Variants in ATP2C2 observed in about 807,000 individuals in gnomAD.
ATP2C2 encodes the protein ATPase secretory pathway Ca2+ transporting 2.
In ATP2C2, 171 loss-of-function variants were observed where a neutral mutation model predicts 110.8. The observed-to-expected ratio is 1.54, with a 90% CI of 1.36 to 1.75. ATP2C2 has a LOEUF of 1.75. Ranked by LOEUF, ATP2C2 falls within the 40% of genes most tolerant of loss-of-function variation. The probability of loss-of-function intolerance (pLI) is 0.00; values close to 1 mark genes in which losing one functional copy is unlikely to be tolerated. For missense variants in ATP2C2, 1,963 were observed against 1,235.0 expected, an observed-to-expected ratio of 1.59 and a Z score of -8.84; for synonymous variants, 804 against 508.4, an observed-to-expected ratio of 1.58 and a Z score of -7.82.
At chr16:84,438,178 T>G (rs941874107) in intron 11 of ATP2C2, among the ~76,000 whole-genome samples, 3 of 152,236 alleles carry the variant, frequency 2.0e-5, no homozygotes, top group African/African-American at 7.2e-5. Flanking sequence ...TTTACATTTT[T>G]TAAAGGAAAA....
At chr16:84,442,990 G>T (rs1909411054) in intron 15 of ATP2C2, among the ~76,000 whole-genome samples, 1 of 152,110 alleles carries the variant, frequency 6.6e-6, no homozygotes, top group African/African-American at 2.4e-5. Flanking sequence ...TGACTCCGGG[G>T]TTCAGTGTTA....
chr16:84,383,953 C>G (rs748145839), intron 1 of ATP2C2, among the ~76,000 whole-genome samples: 1 of 152,062 alleles, frequency 6.6e-6, no homozygotes, highest in Non-Finnish European at 1.5e-5. Flanking sequence ...CCACGCCCAG[C>G]TAATTTTTGT....
intron 3 of ATP2C2, 106 bp downstream of exon 3, chr16:84,405,350 C>T (rs985764616): frequency 2.1e-5 from 21 of 983,136 alleles, no homozygotes; most frequent in African/African-American, 6.5e-5. Context: ...GGACAGCTCC[C>T]GCCCCTTTCA....
At chr16:84,444,183 A>G (rs1159878804) in intron 15 of ATP2C2, among the ~76,000 whole-genome samples, 1 of 148,132 alleles carries the variant, frequency 6.8e-6, no homozygotes, top group African/African-American at 2.5e-5. Flanking sequence ...AAAAAAAAAA[A>G]ACAAAAAGAT....
chr16:84,451,925 G>T lies in ATP2C2; in HGVS notation c.1665G>T (p.Leu555=), dbSNP rs750162743. The change falls in exon 18 of 27, where the codon CTG becomes CTT. Residue 555 remains leucine, a synonymous_variant. Transcript: ENST00000262429. ...KRMGSLGLRV[L]ALASGPELGR... is the part of the protein sequence containing the mutation. Reference sequence around the variant, plus strand: ...TTACTCCCCCTCTCTCCTCAGTGCTGGCCCTGGCTTCTGGGCCCGAGCTGG... The same window carrying T: ...TTACTCCCCCTCTCTCCTCAGTGCTTGCCCTGGCTTCTGGGCCCGAGCTGG... 1 of 1,613,852 alleles carries T rather than the reference G, an allele frequency of 6.2e-7. No homozygotes were observed. Among genetic ancestry groups the T allele is most frequent in the South Asian group, 1.1e-5 (1 of 91,054 alleles).
intron 1 of ATP2C2, among the ~76,000 whole-genome samples, chr16:84,395,443 G>A (rs1904912852): frequency 6.6e-6 from 1 of 150,590 alleles, no homozygotes; most frequent in Non-Finnish European, 1.5e-5. Context: ...TCAAAGGCAG[G>A]GGAATTGGTG....
intron 24 of ATP2C2, chr16:84,461,387 C>T (rs1362833205): frequency 4.3e-6 from 2 of 463,738 alleles, no homozygotes; most frequent in African/African-American, 3.9e-5. Flanking sequence ...TTCAGCCTTC[C>T]TTGTAGGAAA....
intron 16 of ATP2C2, among the ~76,000 whole-genome samples, chr16:84,447,412 C>T (rs367889868): frequency 6.6e-6 from 1 of 151,414 alleles, no homozygotes; most frequent in Non-Finnish European, 1.5e-5. Context: ...TTCTTTCATT[C>T]CACCCTTCTT....
intron 2 of ATP2C2, among the ~76,000 whole-genome samples, chr16:84,399,223 G>C (rs1378328787): frequency 6.6e-6 from 1 of 152,168 alleles, no homozygotes; most frequent in African/African-American, 2.4e-5. Context: ...CCAGGAAAAG[G>C]GCACATACTA....
intron 23 of ATP2C2, chr16:84,459,790 A>G (rs971030505): frequency 3.7e-6 from 2 of 543,404 alleles, no homozygotes; most frequent in Admixed American, 3.1e-5. Context: ...TTCCTTATGG[A>G]TCTGATTGTG....
chr16:84,455,752 A>G (rs982933288), intron 21 of ATP2C2, among the ~76,000 whole-genome samples: 2 of 27,650 alleles, frequency 7.2e-5, no homozygotes, highest in Middle Eastern at 0.019. Flanking sequence ...ACACACTTAG[A>G]AAAAAAAAAA....
intron 2 of ATP2C2, chr16:84,404,761 T>G (rs1905598588): frequency 5.6e-6 from 2 of 356,908 alleles, no homozygotes; most frequent in South Asian, 4.5e-5. Context: ...TTTTGAGGAA[T>G]CGCCACACAG....
At chr16:84,381,230 C>A (rs892441866) in intron 1 of ATP2C2, among the ~76,000 whole-genome samples, 4 of 152,172 alleles carry the variant, frequency 2.6e-5, no homozygotes, top group African/African-American at 9.7e-5. Context: ...TTACAAAGTA[C>A]ATTGATCAGT....
intron 17 of ATP2C2, among the ~76,000 whole-genome samples, chr16:84,451,170 G>A (rs554164417): frequency 6.6e-6 from 1 of 152,260 alleles, no homozygotes; most frequent in East Asian, 1.9e-4. Context: ...CGGCAAGAGA[G>A]AATGAGAGCC....
chr16:84,450,354 G>A (rs1910145928), intron 17 of ATP2C2, among the ~76,000 whole-genome samples: 1 of 150,344 alleles, frequency 6.7e-6, no homozygotes, highest in African/African-American at 2.4e-5. Context: ...GAGTGACTTA[G>A]AGAGGCCCCC....
At chr16:84,392,680 C>T (rs1199273998) in intron 1 of ATP2C2, among the ~76,000 whole-genome samples, 1 of 152,180 alleles carries the variant, frequency 6.6e-6, no homozygotes, top group Non-Finnish European at 1.5e-5. Context: ...CAAGGCTGGT[C>T]TCGAACTGCT....
chr16:84,374,181 C>T (rs1460378636), intron 1 of ATP2C2, among the ~76,000 whole-genome samples: 1 of 152,178 alleles, frequency 6.6e-6, no homozygotes, highest in Non-Finnish European at 1.5e-5. Flanking sequence ...TGTAAGGCAC[C>T]TGCTTGTGAC....
intron 1 of ATP2C2, among the ~76,000 whole-genome samples, chr16:84,391,421 C>G (rs1185498014): frequency 1.3e-5 from 2 of 152,214 alleles, no homozygotes; most frequent in African/African-American, 4.8e-5. Context: ...AAGCCCTAAC[C>G]CCTGGTACCT....
intron 10 of ATP2C2, among the ~76,000 whole-genome samples, chr16:84,425,441 CG>C (rs1567715038): frequency 1.3e-5 from 2 of 152,162 alleles, no homozygotes; most frequent in Non-Finnish European, 2.9e-5. Context: ...ACGCAGCCGA[CG>C]GTAAACTTTG....
Sources: allele counts gnomAD v4.1 joint callset (sites outside exome capture counted in the v4.1 genomes callset), GRCh38; gene constraint gnomAD v4.1.1; transcripts MANE v1.5; gene names NCBI Gene and HGNC (gene_info 2026-07-23, HGNC 2026-07-21).